The following SMCO4 variants were observed in gnomAD, a reference collection of about 807,000 sequenced individuals.
SMCO4 encodes single-pass membrane and coiled-coil domain-containing protein 4.
In SMCO4, 4 loss-of-function variants were observed where a neutral mutation model predicts 3.6. The ratio of observed to expected loss-of-function variants is 1.11; its 90% CI spans 0.54 to 2.53. The LOEUF is 2.53. Among genes scored for constraint, SMCO4 ranks in the 30% most tolerant of loss-of-function variants. The pLI is 0.02. For missense variants in SMCO4, 70 were observed against 80.8 expected (o/e 0.87, Z 0.51); for synonymous variants, 36 against 35.3 (o/e 1.02, Z -0.07).
At chr11:93,500,590 G>C (rs1457911954) in intron 1 of SMCO4, among the ~76,000 whole-genome samples, 1 of 152,194 alleles carries the variant, frequency 6.6e-6, no homozygotes, top group Non-Finnish European at 1.5e-5. Context: ...CGCAGAACTG[G>C]AAAGGGGAAG....
intron 1 of SMCO4, among the ~76,000 whole-genome samples, chr11:93,538,542 C>G (rs1949247232): frequency 6.6e-6 from 1 of 152,198 alleles, no homozygotes; most frequent in African/African-American, 2.4e-5. Flanking sequence ...AATGATAAGG[C>G]TGGGGTGGCA....
intron 1 of SMCO4, among the ~76,000 whole-genome samples, chr11:93,527,194 C>T (rs1949116308): frequency 6.6e-6 from 1 of 152,178 alleles, no homozygotes; most frequent in South Asian, 2.1e-4. Context: ...TGGCTTTCTA[C>T]TGTCAAATGG....
chr11:93,505,796 T>C (rs1315391120), intron 1 of SMCO4, among the ~76,000 whole-genome samples: 2 of 152,084 alleles, frequency 1.3e-5, no homozygotes, highest in East Asian at 1.9e-4. Context: ...AAGGAAACCA[T>C]GGGAAATACT....
chr11:93,526,653 C>T (rs1453613001), intron 1 of SMCO4, among the ~76,000 whole-genome samples: 2 of 152,196 alleles, frequency 1.3e-5, no homozygotes, highest in Non-Finnish European at 2.9e-5. Flanking sequence ...CCCCACTGTT[C>T]TCACGCACCA....
At chr11:93,535,956 T>G in intron 1 of SMCO4, 1 of 1,446,290 alleles carries the variant, frequency 6.9e-7, no homozygotes, top group South Asian at 1.4e-5. Flanking sequence ...AAAGAATAGT[T>G]GCAGTGTTTA....
chr11:93,500,404 A>G (rs534010265), intron 1 of SMCO4, among the ~76,000 whole-genome samples: 2 of 152,318 alleles, frequency 1.3e-5, no homozygotes, highest in East Asian at 3.9e-4. Context: ...AGAGCTTCAC[A>G]GATGTATGCC....
At chr11:93,529,227 A>G (rs1949140723) in intron 1 of SMCO4, among the ~76,000 whole-genome samples, 1 of 152,330 alleles carries the variant, frequency 6.6e-6, no homozygotes, top group African/African-American at 2.4e-5. Flanking sequence ...CCCTAAAAAT[A>G]ACTTCTGGAA....
intron 1 of SMCO4, among the ~76,000 whole-genome samples, chr11:93,540,030 A>T (rs562695226): frequency 6.6e-6 from 1 of 151,858 alleles, no homozygotes; most frequent in Non-Finnish European, 1.5e-5. Context: ...TCAACTTTCT[A>T]TCAAAGACCT....
chr11:93,516,964 T>C (rs937190457), intron 1 of SMCO4, among the ~76,000 whole-genome samples: 3 of 152,122 alleles, frequency 2.0e-5, no homozygotes, highest in Non-Finnish European at 2.9e-5. Context: ...GCCTTCCACC[T>C]TCCCTTAAAG....
Position 93,535,553 on chromosome 11 carries a change from C to T in SMCO4, c.-154+7723G>A. On this transcript the variant is annotated intron_variant, in intron 1 of 2. Coordinates refer to ENST00000298966, the MANE Select transcript of SMCO4 (RefSeq NM_020179.3). ...CTGGACATCAGGCAGCATCATATCA[C>T]CTTGAAGAAGTATGACAGTCGAACC... is the stretch of plus-strand genomic sequence containing the variant. 4 of 1,463,186 alleles carry T rather than the reference C, an allele frequency of 2.7e-6. No homozygotes were observed. In the South Asian group the frequency reaches 3.4e-5, roughly 12 times the overall value. The allele number at this position is 1,463,186 out of a possible 1,614,324, so 90.6% of individuals were successfully genotyped here.
At chr11:93,536,870 G>T (rs1045402445) in intron 1 of SMCO4, among the ~76,000 whole-genome samples, 1 of 152,226 alleles carries the variant, frequency 6.6e-6, no homozygotes, top group African/African-American at 2.4e-5. Flanking sequence ...GCACCAATTT[G>T]AACAGGTTTC....
At chr11:93,544,664 C>A (rs927013470), upstream of SMCO4, among the ~76,000 whole-genome samples, 10 of 151,948 alleles carry the variant, frequency 6.6e-5, no homozygotes, top group African/African-American at 2.4e-4. Flanking sequence ...CAGGAAGTGT[C>A]CTTCCTGCTG....
rs2605594 is a variant in SMCO4, at chr11:93,478,995, A to G, written c.*15T>C. The G allele has an allele frequency of 0.69, 1,091,812 of 1,588,682 alleles. 380,403 individuals are homozygous for G. The highest frequency in any genetic ancestry group is 1 in the East Asian group (44,127 of 44,346). ...TCCTCTCCCTGCCGATGGGGTCCGC[A>G]GCCGGCTGCGGGGCTCACTCGGTGA... On this transcript the variant is annotated 3_prime_UTR_variant, in exon 3 of 3. Transcript: ENST00000298966.
chr11:93,523,915 C>A (rs1949082667), intron 1 of SMCO4, among the ~76,000 whole-genome samples: 1 of 152,162 alleles, frequency 6.6e-6, no homozygotes, highest in Admixed American at 6.5e-5. Context: ...CATTCCAAAA[C>A]CAAAAGAATG....
intron 1 of SMCO4, among the ~76,000 whole-genome samples, chr11:93,540,306 T>C (rs1196050114): frequency 6.6e-6 from 1 of 152,202 alleles, no homozygotes; most frequent in East Asian, 1.9e-4. Flanking sequence ...AGTGGGTACA[T>C]TTCTTGAATA....
intron 1 of SMCO4, among the ~76,000 whole-genome samples, chr11:93,542,956 C>T (rs1353274971): frequency 6.6e-6 from 1 of 152,106 alleles, no homozygotes; most frequent in Non-Finnish European, 1.5e-5. Flanking sequence ...GCACTTCCCG[C>T]CCGGCCCCGC....
the SMCO4 span, among the ~76,000 whole-genome samples, chr11:93,552,484 A>ATTATTT: frequency 7.6e-6 from 1 of 131,986 alleles, no homozygotes; most frequent in South Asian, 2.4e-4. Context: ...TATTATTATT[A>ATTATTT]TTTTTGAGAC....
upstream of SMCO4, among the ~76,000 whole-genome samples, chr11:93,545,823 T>C (rs1949312376): frequency 6.6e-6 from 1 of 152,178 alleles, no homozygotes; most frequent in Non-Finnish European, 1.5e-5. Flanking sequence ...TGAACAAATA[T>C]GACACAAGCA....
chr11:93,492,863 T>C (rs1329031319), intron 2 of SMCO4, among the ~76,000 whole-genome samples: 1 of 152,234 alleles, frequency 6.6e-6, no homozygotes, highest in Non-Finnish European at 1.5e-5. Flanking sequence ...TGTGCTTCAC[T>C]GCAGACCTTT....
Sources: allele counts gnomAD v4.1 joint callset (sites outside exome capture counted in the v4.1 genomes callset), GRCh38; gene constraint gnomAD v4.1.1; transcripts MANE v1.5; gene names NCBI Gene and HGNC (gene_info 2026-07-23, HGNC 2026-07-21).